EPB41L4B: variants seen among roughly 807,000 people sequenced by gnomAD.
EPB41L4B encodes the protein erythrocyte membrane protein band 4.1 like 4B, also known as band 4.1-like protein 4B.
In EPB41L4B, 30 loss-of-function variants were observed where a neutral mutation model predicts 112.5. The ratio of observed to expected loss-of-function variants is 0.27; its 90% CI spans 0.20 to 0.36. EPB41L4B has a LOEUF of 0.36. Ranked by LOEUF, EPB41L4B falls within the 10% of genes least tolerant of loss-of-function variation. EPB41L4B has a pLI of 1.00. For synonymous variants in EPB41L4B, 408 were observed against 439.7 expected, an observed-to-expected ratio of 0.93 and a Z score of 0.90; for missense variants, 1,024 against 1,133.3, an observed-to-expected ratio of 0.90 and a Z score of 1.38.
At chr9:109,240,745 T>C (rs1320663621) in intron 15 of EPB41L4B, 6 of 985,320 alleles carry the variant, frequency 6.1e-6, no homozygotes, top group Non-Finnish European at 7.2e-6. Context: ...CCATAAATGA[T>C]CTTGATTGCA....
chr9:109,296,246 T>C (rs1461616714), intron 1 of EPB41L4B, among the ~76,000 whole-genome samples: 1 of 152,234 alleles, frequency 6.6e-6, no homozygotes, highest in Non-Finnish European at 1.5e-5. Flanking sequence ...CAATGCTATC[T>C]CGCACATGAC....
chr9:109,194,790 C>A (rs902408353), intron 20 of EPB41L4B, among the ~76,000 whole-genome samples: 3 of 152,094 alleles, frequency 2.0e-5, no homozygotes, highest in African/African-American at 7.2e-5. Context: ...AACGATAACT[C>A]CCCAAGCCCC....
intron 13 of EPB41L4B, among the ~76,000 whole-genome samples, chr9:109,250,621 C>T (rs546306215): frequency 2.0e-5 from 3 of 152,104 alleles, no homozygotes; most frequent in African/African-American, 7.2e-5. Flanking sequence ...CGGTATATGC[C>T]GGGCAGACTC....
intron 11 of EPB41L4B, among the ~76,000 whole-genome samples, chr9:109,254,063 C>T (rs1480352374): frequency 6.6e-6 from 1 of 152,116 alleles, no homozygotes; most frequent in African/African-American, 2.4e-5. Context: ...TGATGTACTC[C>T]TCAACTGCTT....
At chr9:109,267,423 A>G in intron 4 of EPB41L4B, 50 bp downstream of exon 4, 1 of 1,205,756 alleles carries the variant, frequency 8.3e-7, no homozygotes, top group South Asian at 1.3e-5. Context: ...CATAAATGAC[A>G]TGTAAGGCAA....
chr9:109,246,436 A>G (rs1283904033), intron 14 of EPB41L4B, among the ~76,000 whole-genome samples: 1 of 152,108 alleles, frequency 6.6e-6, no homozygotes, highest in East Asian at 1.9e-4. Context: ...CTGGGATTAC[A>G]CGCATGAGCC....
intron 6 of EPB41L4B, among the ~76,000 whole-genome samples, chr9:109,262,221 CCTCT>C (rs996060026): frequency 1.3e-5 from 2 of 152,114 alleles, no homozygotes; most frequent in African/African-American, 4.8e-5. Flanking sequence ...TCCAGTCTGA[CCTCT>C]CTGAGTGAGC....
chr9:109,311,111 A>G (rs1218599985), intron 1 of EPB41L4B, among the ~76,000 whole-genome samples: 7 of 152,176 alleles, frequency 4.6e-5, no homozygotes, highest in Non-Finnish European at 7.4e-5. Context: ...CTGGAGACCA[A>G]TGGTGGTGAA....
At chr9:109,258,111 G>C (rs1399852043) in intron 7 of EPB41L4B, 66 bp downstream of exon 7, 64 of 1,534,796 alleles carry the variant, frequency 4.2e-5, no homozygotes, top group Non-Finnish European at 5.5e-5. Flanking sequence ...AGATAAAGGA[G>C]TGTGATCAAC....
intron 15 of EPB41L4B, among the ~76,000 whole-genome samples, chr9:109,231,999 T>C (rs796161839): frequency 1.3e-5 from 2 of 150,214 alleles, no homozygotes; most frequent in African/African-American, 5.0e-5. Flanking sequence ...ATTCTGGGTT[T>C]CTTTTTTTTT....
chr9:109,251,619 C>T (rs1803817806), intron 12 of EPB41L4B, 108 bp from the exon 13 acceptor site: 1 of 992,576 alleles, frequency 1.0e-6, no homozygotes, highest in Admixed American at 1.7e-5. Flanking sequence ...AGAGCCTTTC[C>T]AACTCCAACC....
At chr9:109,200,149 C>A in intron 20 of EPB41L4B, 87 bp downstream of exon 20, 4 of 1,095,806 alleles carry the variant, frequency 3.7e-6, no homozygotes, top group Non-Finnish European at 5.5e-6. Context: ...CTCCCTGGGA[C>A]TAGTCAGAAG....
chr9:109,296,010 G>A (rs1836719456), intron 1 of EPB41L4B, among the ~76,000 whole-genome samples: 1 of 152,258 alleles, frequency 6.6e-6, no homozygotes, highest in Admixed American at 6.5e-5. Flanking sequence ...GCTGGAAGAA[G>A]GGCAGCCCTG....
intron 19 of EPB41L4B, among the ~76,000 whole-genome samples, chr9:109,202,222 A>C (rs770817407): frequency 6.6e-6 from 1 of 152,154 alleles, no homozygotes; most frequent in Non-Finnish European, 1.5e-5. Flanking sequence ...GAGATGAATT[A>C]AGTTTTTGAA....
Position 109,217,139 on chromosome 9 carries a change from C to T in EPB41L4B, c.1416G>A (p.Pro472=), listed in dbSNP as rs200380246. ...WHPHSPNVSY[P]LPSPVLSSSD... ...AGCTGCTAAGCACTGGGGAAGGGAG[C>T]GGGTAGCTGTGGAGGGTGACACAGT... Residue 472 remains proline, a synonymous_variant, in exon 16 of 26, where the codon CCG becomes CCA. Transcript: ENST00000374566. 3,942 of 1,613,568 alleles carry T rather than the reference C, an allele frequency of 2.4e-3. 7 individuals carry two copies. The highest frequency in any genetic ancestry group is 3.2e-3 in the Middle Eastern group (18 of 5,660).
chr9:109,289,257 CT>C (rs1193407648), intron 1 of EPB41L4B, among the ~76,000 whole-genome samples: 1 of 152,158 alleles, frequency 6.6e-6, no homozygotes, highest in Non-Finnish European at 1.5e-5. Flanking sequence ...GCGTGTTGTT[CT>C]CCAAATACAA....
intron 15 of EPB41L4B, chr9:109,240,747 T>G: frequency 1.0e-6 from 1 of 985,456 alleles, no homozygotes; most frequent in Non-Finnish European, 1.2e-6. Context: ...ATAAATGATC[T>G]TGATTGCACG....
chr9:109,309,755 CAGAGAGAGAG>C (rs34950010), intron 1 of EPB41L4B, among the ~76,000 whole-genome samples: 32 of 142,224 alleles, frequency 2.2e-4, no homozygotes, highest in Admixed American at 5.6e-4. Context: ...AATACACACA[CAGAGAGAGAG>C]AGAGAGAGAG....
intron 1 of EPB41L4B, among the ~76,000 whole-genome samples, chr9:109,287,623 C>A (rs561044008): frequency 6.6e-6 from 1 of 152,314 alleles, no homozygotes; most frequent in East Asian, 1.9e-4. Context: ...ACCTGCCCCA[C>A]ATCCATCAGA....
Sources: allele counts gnomAD v4.1 joint callset (sites outside exome capture counted in the v4.1 genomes callset), GRCh38; gene constraint gnomAD v4.1.1; transcripts MANE v1.5; gene names NCBI Gene and HGNC (gene_info 2026-07-23, HGNC 2026-07-21).